AHCTF1: variants seen among roughly 807,000 people sequenced by gnomAD.
The protein encoded by AHCTF1 is AT-hook containing transcription factor 1.
In AHCTF1, 24 loss-of-function variants were observed where a neutral mutation model predicts 248.4. That is an observed-to-expected ratio of 0.10 (90% CI 0.07 to 0.14). The LOEUF is 0.14. Ranked by LOEUF, AHCTF1 falls within the 10% of genes least tolerant of loss-of-function variation. The pLI, the probability that AHCTF1 is intolerant of heterozygous loss-of-function variation, is 1.00. For missense variants in AHCTF1, 2,206 were observed against 2,636.2 expected (o/e 0.84, Z 3.57); for synonymous variants, 786 against 929.8 (o/e 0.85, Z 2.81).
chr1:246,914,871 T>C (rs1389475581), intron 3 of AHCTF1, among the ~76,000 whole-genome samples: 1 of 152,194 alleles, frequency 6.6e-6, no homozygotes, highest in Non-Finnish European at 1.5e-5. Flanking sequence ...TTTCCTTCTG[T>C]ATGTGTTCTG....
At chr1:246,926,325 T>C (rs958508966) in intron 1 of AHCTF1, among the ~76,000 whole-genome samples, 4 of 152,224 alleles carry the variant, frequency 2.6e-5, no homozygotes, top group African/African-American at 9.6e-5. Context: ...TAGCACTTAA[T>C]AATACATGTA....
chr1:246,867,873 A>G (rs944239599), intron 24 of AHCTF1, 62 bp from the exon 25 acceptor site: 19 of 1,272,258 alleles, frequency 1.5e-5, no homozygotes, highest in South Asian at 5.6e-5. Flanking sequence ...TAATAAAAGC[A>G]TATGAAAGAA....
intron 12 of AHCTF1, among the ~76,000 whole-genome samples, chr1:246,897,967 G>A (rs911040476): frequency 2.9e-4 from 41 of 139,896 alleles, no homozygotes; most frequent in African/African-American, 1.1e-3. Flanking sequence ...GCAGCCATGA[G>A]GTGTTTCCTG....
At chr1:246,855,256 A>G (rs965010216) in intron 31 of AHCTF1, among the ~76,000 whole-genome samples, 10 of 152,194 alleles carry the variant, frequency 6.6e-5, no homozygotes, top group African/African-American at 2.4e-4. Context: ...AGAAAATCCT[A>G]TCTTCCTCAT....
chr1:246,901,255 C>T (rs1293675983), intron 8 of AHCTF1, among the ~76,000 whole-genome samples: 2 of 152,078 alleles, frequency 1.3e-5, no homozygotes, highest in African/African-American at 4.8e-5. Flanking sequence ...GTGGGAGGAT[C>T]GCTTGAACCT....
At chr1:246,862,307 C>T (rs937037791) in intron 27 of AHCTF1, among the ~76,000 whole-genome samples, 154 bp from the exon 28 acceptor site, 9 of 152,034 alleles carry the variant, frequency 5.9e-5, no homozygotes, top group South Asian at 4.2e-4. Context: ...GGTGAAACCC[C>T]GTCTCTACTA....
rs1667371631 is a variant in AHCTF1, at chr1:246,931,655, G to C, written c.-85C>G. 6.5e-6 allele frequency: 1 copy of C among 152,842 alleles called. No homozygotes were observed. Among genetic ancestry groups the C allele is most frequent in the African/African-American group, 2.4e-5 (1 of 41,386 alleles). The allele number at this position is 152,842 out of a possible 1,614,324, so 9.5% of individuals were successfully genotyped here. A position where few individuals can be genotyped will look rare whatever the true frequency, so the allele number is the denominator to read the frequency against. ...GGCCAGGCGCGAGCTCCTCCCGTGC[G>C]GGTCCGTCACAGCATCTCCCGGGAG... is the stretch of plus-strand genomic sequence containing the variant. On this transcript the variant is annotated 5_prime_UTR_variant, in exon 1 of 36. Transcript: ENST00000648844.
At chr1:246,910,912 G>A (rs1313206691) in intron 4 of AHCTF1, among the ~76,000 whole-genome samples, 1 of 152,228 alleles carries the variant, frequency 6.6e-6, no homozygotes, top group Non-Finnish European at 1.5e-5. Flanking sequence ...GTCTGGGGAA[G>A]CTGCAGAACA....
chr1:246,930,172 T>A (rs1455855124), intron 1 of AHCTF1, among the ~76,000 whole-genome samples: 1 of 152,186 alleles, frequency 6.6e-6, no homozygotes, highest in Non-Finnish European at 1.5e-5. Context: ...GTTCTCGCTC[T>A]GTCACACAGG....
intron 1 of AHCTF1, among the ~76,000 whole-genome samples, chr1:246,920,318 T>C (rs1666449442): frequency 6.6e-6 from 1 of 151,980 alleles, no homozygotes; most frequent in South Asian, 2.1e-4. Context: ...TTTAGCTTGA[T>C]AAGAAACTGT....
intron 11 of AHCTF1, among the ~76,000 whole-genome samples, chr1:246,899,076 C>G (rs1002318778): frequency 6.6e-6 from 1 of 152,060 alleles, no homozygotes; most frequent in Non-Finnish European, 1.5e-5. Flanking sequence ...GCAACAAGAG[C>G]GAAACTCCGT....
At chr1:246,868,953 T>C (rs1364036782) in intron 24 of AHCTF1, among the ~76,000 whole-genome samples, 8 of 151,274 alleles carry the variant, frequency 5.3e-5, no homozygotes, top group Non-Finnish European at 1.2e-4. Flanking sequence ...CACGCCATTC[T>C]CCTGCCTCAG....
chr1:246,886,314 G>C (rs565697875), intron 20 of AHCTF1, among the ~76,000 whole-genome samples: 1 of 152,114 alleles, frequency 6.6e-6, no homozygotes, highest in East Asian at 1.9e-4. Flanking sequence ...CTGGGTGACA[G>C]AGCGAGACTC....
At chr1:246,887,109 T>C (rs1663870306) in intron 20 of AHCTF1, 102 bp downstream of exon 20, 15 of 1,322,832 alleles carry the variant, frequency 1.1e-5, no homozygotes, top group Non-Finnish European at 1.5e-5. Context: ...CAACTATTTT[T>C]AGTAGACTGT....
intron 21 of AHCTF1, among the ~76,000 whole-genome samples, chr1:246,884,365 T>G (rs201117355): frequency 6.6e-6 from 1 of 152,204 alleles, no homozygotes; most frequent in Non-Finnish European, 1.5e-5. Context: ...CTTACCCTCT[T>G]ATCCGTAGAA....
At chr1:246,857,876 T>TGCA in intron 29 of AHCTF1, 62 bp from the exon 30 acceptor site, 1 of 1,481,484 alleles carries the variant, frequency 6.7e-7, no homozygotes, top group South Asian at 1.2e-5. Context: ...CTGATAGTCT[T>TGCA]GCATTATTAC....
chr1:246,868,988 G>C (rs7551921), intron 24 of AHCTF1, among the ~76,000 whole-genome samples: 46,861 of 149,280 alleles, frequency 0.31, 7,563 homozygotes, highest in Admixed American at 0.35. Context: ...GGGACTACAG[G>C]CGCCCGCCAC....
intron 4 of AHCTF1, among the ~76,000 whole-genome samples, chr1:246,912,323 A>AG (rs1665868896): frequency 6.6e-6 from 1 of 151,996 alleles, no homozygotes; most frequent in South Asian, 2.1e-4. Context: ...AAAAAAAAAA[A>AG]AATACAAAAA....
chr1:246,856,100 C>G (rs975050272), intron 30 of AHCTF1, among the ~76,000 whole-genome samples: 8 of 152,206 alleles, frequency 5.3e-5, no homozygotes, highest in African/African-American at 1.9e-4. Flanking sequence ...AAATGCCTGT[C>G]AGTATACATT....
Sources: gnomAD v4.1 joint callset for allele counts (sites outside exome capture counted in the v4.1 genomes callset) on GRCh38, gnomAD v4.1.1 for gene constraint, MANE v1.5 for transcripts, NCBI Gene and HGNC (gene_info 2026-07-23, HGNC 2026-07-21) for gene names.